NLN: variants seen among roughly 807,000 people sequenced by gnomAD.
NLN encodes the protein neurolysin, mitochondrial.
In NLN, 64 loss-of-function variants were observed where a neutral mutation model predicts 79.9. That is an observed-to-expected ratio of 0.80 (90% CI 0.65 to 0.99). NLN has a LOEUF of 0.99. Among genes scored for constraint, NLN ranks in the 50% least tolerant of loss-of-function variants. The pLI, the probability that NLN is intolerant of heterozygous loss-of-function variation, is 0.00. For synonymous variants in NLN, 267 were observed against 296.6 expected (o/e 0.90, Z 1.02); for missense variants, 835 against 858.7 (o/e 0.97, Z 0.34).
At chr5:65,780,662 T>G (rs1355588069) in intron 5 of NLN, among the ~76,000 whole-genome samples, 1 of 152,088 alleles carries the variant, frequency 6.6e-6, no homozygotes, top group Non-Finnish European at 1.5e-5. Context: ...CAGTCCTGGG[T>G]CTTTTTTCTT....
chr5:65,747,353 C>G (rs1337162682), intron 1 of NLN, among the ~76,000 whole-genome samples: 1 of 152,062 alleles, frequency 6.6e-6, no homozygotes, highest in Non-Finnish European at 1.5e-5. Context: ...GAGTCCAACT[C>G]AAATCAGAGG....
chr5:65,753,122 G>A (rs1365662704), intron 1 of NLN, among the ~76,000 whole-genome samples: 1 of 152,152 alleles, frequency 6.6e-6, no homozygotes, highest in Non-Finnish European at 1.5e-5. Flanking sequence ...TGTCTGAGGT[G>A]ATAGTTATGC....
rs1358915996 is a variant in NLN, at chr5:65,788,150, G to A, written c.991G>A (p.Glu331Lys). Reference sequence around the variant, plus strand: ...AAGCCAGAAGTTAAAACCCTTGGGTGAAGCAGAACGAGAGTTTATTTTGAA... The same window carrying A: ...AAGCCAGAAGTTAAAACCCTTGGGTAAAGCAGAACGAGAGTTTATTTTGAA... ...DLSQKLKPLGEAEREFILNLK... is the reference protein window; with the variant it reads ...DLSQKLKPLGKAEREFILNLK... Residue 331 changes from glutamate to lysine, a missense_variant, in exon 8 of 13, where the codon GAA becomes AAA. Transcript: ENST00000380985. 1 of 1,614,022 alleles carries A rather than the reference G, an allele frequency of 6.2e-7. No homozygotes were observed. Among genetic ancestry groups the A allele is most frequent in the East Asian group, 2.2e-5 (1 of 44,880 alleles).
chr5:65,754,779 A>G (rs1355197577), intron 1 of NLN, among the ~76,000 whole-genome samples: 1 of 152,098 alleles, frequency 6.6e-6, no homozygotes, highest in Non-Finnish European at 1.5e-5. Flanking sequence ...CTTCTTCACC[A>G]TTGTGTAAAA....
chr5:65,723,284 A>C (rs879586063), intron 1 of NLN, among the ~76,000 whole-genome samples: 2 of 152,192 alleles, frequency 1.3e-5, no homozygotes, highest in Admixed American at 6.5e-5. Context: ...CCTTTTGCAC[A>C]TTGCCACTCG....
intron 3 of NLN, among the ~76,000 whole-genome samples, chr5:65,776,960 A>G (rs112415500): frequency 1.7e-4 from 26 of 152,286 alleles, no homozygotes; most frequent in African/African-American, 5.8e-4. Context: ...CCCGTTTGGT[A>G]TATTGGCAAA....
intron 1 of NLN, among the ~76,000 whole-genome samples, chr5:65,743,949 A>T (rs1032826399): frequency 6.6e-6 from 1 of 152,192 alleles, no homozygotes; most frequent in Non-Finnish European, 1.5e-5. Flanking sequence ...TAGAAGTTAC[A>T]TCCTCATTGA....
intron 4 of NLN, among the ~76,000 whole-genome samples, chr5:65,778,817 C>T (rs1050676493): frequency 2.0e-5 from 3 of 152,144 alleles, no homozygotes; most frequent in Non-Finnish European, 2.9e-5. Flanking sequence ...AAAAACTCCA[C>T]CATCCAGAAA....
chr5:65,780,342 A>G (rs1759772481), intron 5 of NLN, 61 bp downstream of exon 5: 2 of 644,810 alleles, frequency 3.1e-6, no homozygotes, highest in African/African-American at 3.9e-5. Flanking sequence ...GTTACCTCAC[A>G]GTTTGTTTTA....
At chr5:65,811,710 T>C (rs1289680984) in intron 11 of NLN, among the ~76,000 whole-genome samples, 4 of 151,946 alleles carry the variant, frequency 2.6e-5, no homozygotes, top group African/African-American at 7.3e-5. Flanking sequence ...TAATCCGAGC[T>C]ACTCAGGAGG....
intron 6 of NLN, among the ~76,000 whole-genome samples, chr5:65,783,703 T>TA (rs11403265): frequency 0.42 from 56,259 of 133,202 alleles, 11,240 homozygotes; most frequent in East Asian, 0.66. Flanking sequence ...CTATGAAAAT[T>TA]AAAAAAAAAA....
intron 3 of NLN, among the ~76,000 whole-genome samples, chr5:65,770,731 A>G (rs1037354585): frequency 1.3e-5 from 2 of 152,262 alleles, no homozygotes; most frequent in Non-Finnish European, 2.9e-5. Context: ...AAGTGTTCAT[A>G]GCAACTCAGA....
chr5:65,763,333 A>G (rs988802652), intron 3 of NLN, among the ~76,000 whole-genome samples: 2 of 152,222 alleles, frequency 1.3e-5, no homozygotes, highest in African/African-American at 4.8e-5. Context: ...AAGAGTGAAC[A>G]TCTGTAAAGT....
intron 12 of NLN, 144 bp from the exon 13 acceptor site, chr5:65,822,630 TACAGAGC>T: frequency 1.6e-6 from 1 of 635,264 alleles, no homozygotes; most frequent in Non-Finnish European, 2.8e-6. Context: ...AAATAAATAC[TACAGAGC>T]TGTTTGTGAG....
intron 8 of NLN, among the ~76,000 whole-genome samples, chr5:65,792,186 G>A (rs751463148): frequency 6.6e-6 from 1 of 152,164 alleles, no homozygotes; most frequent in Non-Finnish European, 1.5e-5. Context: ...TGGACATTCA[G>A]CTGTCGGTGT....
intron 9 of NLN, chr5:65,809,214 C>G (rs1469229973): frequency 4.2e-6 from 1 of 235,846 alleles, no homozygotes; most frequent in Admixed American, 5.5e-5. Context: ...AAGCTTAAGG[C>G]TTGTTTTTAG....
Position 65,788,164 on chromosome 5 carries a change from G to A in NLN, c.1005G>A (p.Glu335=). 1.2e-6 allele frequency: 2 copies of A among 1,614,116 alleles called. No homozygotes were observed. The highest frequency in any genetic ancestry group is 1.7e-6 in the Non-Finnish European group (2 of 1,179,978). The change falls in exon 8 of 13, where the codon GAG becomes GAA. Residue 335 remains glutamate, a synonymous_variant. Coordinates refer to ENST00000380985, the MANE Select transcript of NLN (RefSeq NM_020726.5). ...AACCCTTGGGTGAAGCAGAACGAGA[G>A]TTTATTTTGAATTTGAAGAAAAAGG... ...KLKPLGEAER[E]FILNLKKKEC... is the part of the protein sequence containing the mutation.
intron 2 of NLN, 121 bp downstream of exon 2, chr5:65,758,947 CT>C: frequency 1.1e-6 from 1 of 896,106 alleles, no homozygotes; most frequent in East Asian, 2.5e-5. Flanking sequence ...TAATTAATTG[CT>C]TAGAATTATC....
chr5:65,742,685 C>T lies in NLN; in HGVS notation c.42-15882C>T, dbSNP rs914470001. 3.9e-5 allele frequency among the ~76,000 whole-genome samples: 6 copies of T among 152,128 alleles called. 1 individual carries two copies. Among genetic ancestry groups the T allele is most frequent in the Admixed American group, 3.9e-4 (6 of 15,278 alleles). ...TTCTATGGTTGCTAAACAATTTCTGCCCAATCTAAAAAATTACTTTCCTAT... is the reference window on the plus strand; with the variant it reads ...TTCTATGGTTGCTAAACAATTTCTGTCCAATCTAAAAAATTACTTTCCTAT... On this transcript the variant is annotated intron_variant, in intron 1 of 12. Transcript: ENST00000380985.
Sources: gnomAD v4.1 joint callset for allele counts (sites outside exome capture counted in the v4.1 genomes callset) on GRCh38, gnomAD v4.1.1 for gene constraint, MANE v1.5 for transcripts, NCBI Gene and HGNC (gene_info 2026-07-23, HGNC 2026-07-21) for gene names.